Variants in ZNF638 observed in about 807,000 individuals in gnomAD.
ZNF638 encodes CTCL tumor antigen se33-1.
ZNF638 carries 46 observed loss-of-function variants against 195.6 expected under a neutral mutation model. The ratio of observed to expected loss-of-function variants is 0.24; its 90% CI spans 0.19 to 0.30. The LOEUF is 0.30. Among genes scored for constraint, ZNF638 ranks in the 10% least tolerant of loss-of-function variants. ZNF638 has a pLI of 1.00. For missense variants in ZNF638, 2,440 were observed against 2,325.3 expected (o/e 1.05, Z -1.01); for synonymous variants, 845 against 772.0 (o/e 1.09, Z -1.57).
chr2:71,352,528 G>T (rs939314147), intron 2 of ZNF638, among the ~76,000 whole-genome samples: 6 of 150,918 alleles, frequency 4.0e-5, no homozygotes, highest in African/African-American at 1.5e-4. Flanking sequence ...AGGGTTGGCG[G>T]CAACAACATA....
chr2:71,358,586 A>G (rs1286522716), intron 3 of ZNF638, among the ~76,000 whole-genome samples: 1 of 152,180 alleles, frequency 6.6e-6, no homozygotes, highest in Non-Finnish European at 1.5e-5. Flanking sequence ...CTTTCGTTAC[A>G]CAGGTAACTG....
At position 71,349,272 on chromosome 2, in the gene ZNF638, T is replaced by G. The variant is rs754298277; in HGVS notation, c.318T>G (p.Asp106Glu). 3.1e-6 allele frequency: 5 copies of G among 1,614,058 alleles called. No individual in the cohort carries two copies. The highest frequency in any genetic ancestry group is 4.5e-5 in the East Asian group (2 of 44,888). Residue 106 changes from aspartate to glutamate, a missense_variant, in exon 2 of 28, where the codon GAT (aspartate) becomes GAG (glutamate). Around this residue, in one of 5 missense-constraint regions of ZNF638, gnomAD observed 191 missense variants for 173.8 expected, o/e 1.10. Coordinates refer to ENST00000264447, the MANE Select transcript of ZNF638 (RefSeq NM_014497.5). ...KGKPHGSRWDDEPHISASVAV... is the reference protein window; with the variant it reads ...KGKPHGSRWDEEPHISASVAV... ...AGCCTCATGGTAGCCGGTGGGATGATGAGCCTCATATATCTGCATCAGTGG... is the reference window on the plus strand; with the variant it reads ...AGCCTCATGGTAGCCGGTGGGATGAGGAGCCTCATATATCTGCATCAGTGG...
chr2:71,405,487 A>G lies in ZNF638; in HGVS notation c.2959-114A>G, dbSNP rs2080088583. 4 of 646,452 alleles carry G rather than the reference A, an allele frequency of 6.2e-6. No individual in the cohort carries two copies. In the South Asian group the frequency reaches 8.0e-5, roughly 13 times the overall value. The allele number at this position is 646,452 out of a possible 1,614,324, so 40.0% of individuals were successfully genotyped here. A position where few individuals can be genotyped will look rare whatever the true frequency, so the allele number is the denominator to read the frequency against. On this transcript the variant is annotated intron_variant, in intron 17 of 27. Transcript: ENST00000264447. ...AATCTTGCTGCTTCTTAATTTTATA[A>G]AATACTTTGTAATGCATATTTGTAT...
At chr2:71,393,599 A>G in intron 10 of ZNF638, 1 of 718,152 alleles carries the variant, frequency 1.4e-6, no homozygotes, top group South Asian at 1.5e-5. Context: ...CTCCAGACAC[A>G]GAAACCATTC....
intron 19 of ZNF638, chr2:71,407,915 C>T (rs915394189): frequency 9.3e-6 from 4 of 428,016 alleles, no homozygotes; most frequent in African/African-American, 6.2e-5. Context: ...TTTATATCCA[C>T]TCATCCATTG....
chr2:71,376,543 C>T (rs1238545498), intron 8 of ZNF638, among the ~76,000 whole-genome samples: 4 of 152,142 alleles, frequency 2.6e-5, no homozygotes, highest in African/African-American at 4.8e-5. Context: ...AAGAGCTGTG[C>T]TATAGCTTTC....
chr2:71,368,902 A>G (rs567442168), intron 7 of ZNF638, among the ~76,000 whole-genome samples: 5 of 152,374 alleles, frequency 3.3e-5, no homozygotes, highest in East Asian at 3.9e-4. Context: ...GCCAGTCATT[A>G]CTTTAGAACA....
chr2:71,386,475 A>G lies in ZNF638; in HGVS notation c.2377+5910A>G, dbSNP rs200990588. Among the ~76,000 whole-genome samples the G allele has an allele frequency of 2.8e-4, 42 of 152,314 alleles. 1 individual carries two copies. In the East Asian group the frequency reaches 5.0e-3, roughly 18 times the overall value. On this transcript the variant is annotated intron_variant, in intron 10 of 27. Transcript: ENST00000264447. ...GGAACTAAACTGAGAATATGCATCA[A>G]CACCTCTTTCAGTTAAAATAAATAT...
chr2:71,393,644 G>C (rs983796737), intron 10 of ZNF638: 1 of 717,646 alleles, frequency 1.4e-6, no homozygotes, highest in African/African-American at 1.7e-5. Context: ...CTGCTCTCTG[G>C]TGTAAGTTAC....
chr2:71,381,605 A>C lies in ZNF638; in HGVS notation c.2377+1040A>C, dbSNP rs77253118. ...GAAGGGTCATGCTGAGAAGTTTTCA[A>C]ATTTGACCCCATTAGTAGCATTTTC... On this transcript the variant is annotated intron_variant, in intron 10 of 27. Transcript: ENST00000264447. 6.8e-3 allele frequency among the ~76,000 whole-genome samples: 1,030 copies of C among 152,280 alleles called. 4 individuals carry two copies. The highest frequency in any genetic ancestry group is 0.011 in the Non-Finnish European group (776 of 67,984).
At chr2:71,372,148 T>G (rs2079325670) in intron 8 of ZNF638, among the ~76,000 whole-genome samples, 1 of 151,876 alleles carries the variant, frequency 6.6e-6, no homozygotes. Context: ...TCCCAGCTGG[T>G]ACCTCCCTAG....
At chr2:71,405,342 G>A (rs964137136) in intron 17 of ZNF638, among the ~76,000 whole-genome samples, 6 of 152,130 alleles carry the variant, frequency 3.9e-5, no homozygotes, top group African/African-American at 1.4e-4. Flanking sequence ...GAATTTGAAT[G>A]TCTTTTCTAA....
chr2:71,380,443 T>C (rs2079516069), intron 9 of ZNF638, 70 bp from the exon 10 acceptor site: 2 of 1,395,782 alleles, frequency 1.4e-6, no homozygotes, highest in Non-Finnish European at 9.8e-7. Context: ...GGTTTAAATA[T>C]TACATTTTTA....
chr2:71,375,419 T>C (rs2079403163), intron 8 of ZNF638: 1 of 152,160 alleles, frequency 6.6e-6, no homozygotes, highest in African/African-American at 2.4e-5. Flanking sequence ...TTCATCCTCA[T>C]TTGTAAGATG....
At chr2:71,419,971 C>CG (rs1553486402) in intron 21 of ZNF638, among the ~76,000 whole-genome samples, 3 of 72,664 alleles carry the variant, frequency 4.1e-5, no homozygotes, top group South Asian at 5.7e-4. Context: ...CACCCCCCCC[C>CG]GCCTTTTTTT....
intron 20 of ZNF638, among the ~76,000 whole-genome samples, chr2:71,416,796 CA>C (rs2080302482): frequency 9.2e-6 from 1 of 108,220 alleles, no homozygotes; most frequent in South Asian, 3.9e-4. Context: ...GCTCGGGGGT[CA>C]GGGGTCAGGG....
chr2:71,409,982 T>C (rs2080179406), intron 20 of ZNF638, among the ~76,000 whole-genome samples: 2 of 152,214 alleles, frequency 1.3e-5, no homozygotes, highest in African/African-American at 4.8e-5. Flanking sequence ...TGTTTGAAAC[T>C]GACTTTATTT....
chr2:71,358,619 G>T (rs2079061488), intron 3 of ZNF638, among the ~76,000 whole-genome samples: 1 of 152,174 alleles, frequency 6.6e-6, no homozygotes, highest in Admixed American at 6.5e-5. Context: ...TAAAATAACA[G>T]TATGTCTTTC....
At chr2:71,395,228 T>C (rs765868832) in intron 10 of ZNF638, 25 of 717,214 alleles carry the variant, frequency 3.5e-5, no homozygotes, top group East Asian at 5.4e-5. Flanking sequence ...GTTTGTCTTA[T>C]GTTATTTACT....
Sources: gnomAD v4.1 joint callset for allele counts (sites outside exome capture counted in the v4.1 genomes callset) on GRCh38, gnomAD v4.1.1 for gene constraint, gnomAD v4.1.1 regional missense constraint, MANE v1.5 for transcripts, NCBI Gene and HGNC (gene_info 2026-07-23, HGNC 2026-07-21) for gene names.